The following STXBP5 variants were observed in gnomAD, a reference collection of about 807,000 sequenced individuals.
STXBP5 encodes syntaxin-binding protein 5.
Under a neutral mutation model 152.4 loss-of-function variants are expected in STXBP5, and 50 were observed. The ratio of observed to expected loss-of-function variants is 0.33; its 90% CI spans 0.26 to 0.42. The LOEUF (loss-of-function observed/expected upper bound fraction) is 0.42. Ranked by LOEUF, STXBP5 falls within the 10% of genes least tolerant of loss-of-function variation. The probability of loss-of-function intolerance (pLI) is 1.00; values close to 1 mark genes in which losing one functional copy is unlikely to be tolerated. For missense variants in STXBP5, 1,167 were observed against 1,388.6 expected (o/e 0.84, Z 2.54); for synonymous variants, 492 against 494.7 (o/e 0.99, Z 0.07).
At position 147,387,445 on chromosome 6, in the gene STXBP5, T is replaced by G. The variant is rs1486075841; in HGVS notation, c.*2690T>G. On this transcript the variant is annotated 3_prime_UTR_variant, in exon 28 of 28. Coordinates refer to ENST00000321680, the MANE Select transcript of STXBP5 (RefSeq NM_001127715.4). ...ACTGAAGTATTCATGATTAGTAGTT[T>G]GTAAGTAGGAAGTGGTTTTTCTGTA... The G allele has an allele frequency of 6.6e-6, 1 of 151,744 alleles. No individual in the cohort carries two copies. The highest frequency in any genetic ancestry group is 1.5e-5 in the Non-Finnish European group (1 of 67,730). 9.4% of individuals were successfully genotyped at this position (151,744 alleles called of 1,614,324 possible).
chr6:147,315,321 GCA>G (rs1246618370), intron 14 of STXBP5, among the ~76,000 whole-genome samples, 192 bp from the exon 15 acceptor site: 1 of 151,962 alleles, frequency 6.6e-6, no homozygotes, highest in African/African-American at 2.4e-5. Flanking sequence ...AATACAATGA[GCA>G]CACTCTTGTT....
intron 4 of STXBP5, among the ~76,000 whole-genome samples, chr6:147,259,172 G>T (rs1779525816): frequency 6.6e-6 from 1 of 152,044 alleles, no homozygotes; most frequent in Non-Finnish European, 1.5e-5. Context: ...TGCTAAACTA[G>T]TTAAATGAAT....
At chr6:147,230,743 A>G (rs965393870) in intron 2 of STXBP5, among the ~76,000 whole-genome samples, 1 of 151,764 alleles carries the variant, frequency 6.6e-6, no homozygotes. Context: ...CTGGAATTAC[A>G]CTGCCTTGGT....
rs1197211309 is a variant in STXBP5 at position 147,359,311 on chromosome 6, G to A, written c.2533G>A (p.Val845Met). Residue 845 changes from valine (V) to methionine (M), a missense_variant, in exon 23 of 28, where the codon GTG (valine) becomes ATG (methionine). Physicochemically the swap from Val to Met is conservative, Grantham distance 21. This residue lies in a region of STXBP5 where 833 missense variants were observed against 986.3 expected (regional missense o/e 0.84). Transcript: ENST00000321680. ...GCAAAGACTTCTTCAGCCAGTAATT[G>A]TGTCTCCAAGTGGTATGTATTGCTG... ...GEQRLLQPVI[V>M]SPSGTILRLK... 1 of 1,613,462 alleles carries A rather than the reference G, an allele frequency of 6.2e-7. No homozygotes were observed. Among genetic ancestry groups the A allele is most frequent in the African/African-American group, 1.3e-5 (1 of 75,038 alleles).
At position 147,204,792 on chromosome 6, in the gene STXBP5, A is replaced by G. The variant is rs1393128229; in HGVS notation, c.150+110A>G. 6 of 1,200,244 alleles carry G rather than the reference A, an allele frequency of 5.0e-6. No homozygotes were observed. The allele number at this position is 1,200,244 out of a possible 1,614,324, so 74.3% of individuals were successfully genotyped here. ...GCAAGGGAAGAGAACGCCAATAATA[A>G]TAATAATAACTCTAATAAAAGGCTC... On this transcript the variant is annotated intron_variant, in intron 1 of 27. Transcript: ENST00000321680. This position sits in a 1 kb window ranked among gnomAD's most constrained non-coding sequence, Gnocchi z 4.3.
intron 21 of STXBP5, among the ~76,000 whole-genome samples, chr6:147,343,087 A>G (rs1434957036): frequency 6.6e-6 from 1 of 152,128 alleles, no homozygotes; most frequent in Non-Finnish European, 1.5e-5. Context: ...TACTTAAATG[A>G]GTGCTTTGCC....
chr6:147,373,321 G>A (rs949531636), intron 25 of STXBP5, among the ~76,000 whole-genome samples: 8 of 129,966 alleles, frequency 6.2e-5, no homozygotes, highest in African/African-American at 1.2e-4. Context: ...AGCCAAGATC[G>A]CATCACTGCA....
At chr6:147,338,158 A>C (rs954015771) in intron 19 of STXBP5, among the ~76,000 whole-genome samples, 2 of 152,102 alleles carry the variant, frequency 1.3e-5, no homozygotes, top group Non-Finnish European at 2.9e-5. Flanking sequence ...GCAGATACTT[A>C]GAGAATTCTA....
rs563490382 is a variant in STXBP5 at position 147,304,312 on chromosome 6, G to T, written c.918-5772G>T. The stretch of plus-strand genomic sequence containing the variant: ...AGAGCTCAGGCCATTGCTTCAGAGG[G>T]TGCAAGCCCCAAGCCTTGGCAGCTT... On this transcript the variant is annotated intron_variant, in intron 9 of 27. Transcript: ENST00000321680. 3.9e-5 allele frequency among the ~76,000 whole-genome samples: 6 copies of T among 152,298 alleles called. No individual in the cohort carries two copies. In the East Asian group the frequency reaches 7.7e-4, roughly 20 times the overall value.
At chr6:147,325,669 C>T (rs1783213824) in intron 17 of STXBP5, among the ~76,000 whole-genome samples, 1 of 152,188 alleles carries the variant, frequency 6.6e-6, no homozygotes, top group Non-Finnish European at 1.5e-5. Flanking sequence ...GAAATCAACA[C>T]TGCAGTGTAA....
Position 147,364,131 on chromosome 6 carries a change from C to T in STXBP5, c.3046C>T (p.Leu1016Phe). ...TGTTTCACCTACAGAAATCCAGAGA[C>T]TTACTTATAGTCAAGAGACCTGTGA... The part of the protein sequence containing the change: ...YLVSPTEIQR[L>F]TYSQETCENL... The change falls in exon 25 of 28, where the codon CTT becomes TTT. Residue 1016 changes from leucine (L) to phenylalanine (F), a missense_variant. Leu to Phe is a conservative substitution (Grantham distance 22). This residue lies in a region of STXBP5 where 833 missense variants were observed against 986.3 expected (regional missense o/e 0.84). Transcript: ENST00000321680. The T allele has an allele frequency of 6.2e-7, 1 of 1,613,514 alleles. No homozygotes were observed. Among genetic ancestry groups the T allele is most frequent in the African/African-American group, 1.3e-5 (1 of 75,034 alleles).
intron 4 of STXBP5, among the ~76,000 whole-genome samples, chr6:147,256,893 A>C (rs1057008818): frequency 3.9e-5 from 6 of 152,150 alleles, no homozygotes; most frequent in Admixed American, 1.3e-4. Flanking sequence ...TCTAATGGTT[A>C]ATTTCAACAT....
chr6:147,346,570 C>G (rs569110141), intron 21 of STXBP5, among the ~76,000 whole-genome samples: 34 of 151,956 alleles, frequency 2.2e-4, no homozygotes, highest in African/African-American at 8.0e-4. Context: ...AAACCCCGTC[C>G]CTCATAAAAG....
At chr6:147,236,935 C>T (rs767447415) in intron 3 of STXBP5, among the ~76,000 whole-genome samples, 22 of 152,002 alleles carry the variant, frequency 1.4e-4, no homozygotes, top group Non-Finnish European at 2.2e-4. Context: ...CTTGCCACCA[C>T]ACCGGCCAGT....
intron 4 of STXBP5, among the ~76,000 whole-genome samples, chr6:147,254,289 A>G (rs972912607): frequency 6.6e-6 from 1 of 152,244 alleles, no homozygotes; most frequent in Non-Finnish European, 1.5e-5. Context: ...TACAGAAATT[A>G]ACTCAAGGTG....
intron 26 of STXBP5, among the ~76,000 whole-genome samples, chr6:147,380,417 C>T (rs1338105275): frequency 8.9e-6 from 1 of 112,436 alleles, no homozygotes; most frequent in Non-Finnish European, 1.8e-5. Flanking sequence ...ATGGTCTTTT[C>T]AATAAGTGAT....
chr6:147,273,195 TAA>T (rs61153710), intron 7 of STXBP5, among the ~76,000 whole-genome samples: 1 of 129,312 alleles, frequency 7.7e-6, no homozygotes. Context: ...TCTAAAAAAG[TAA>T]AAAAAAAAAA....
At chr6:147,314,554 C>T in intron 13 of STXBP5, 42 bp from the exon 14 acceptor site, 2 of 1,592,016 alleles carry the variant, frequency 1.3e-6, no homozygotes, top group Non-Finnish European at 1.7e-6. Context: ...GAAGGAAGAA[C>T]TGTAATTTTA....
At chr6:147,299,407 A>G (rs1781693199) in intron 9 of STXBP5, among the ~76,000 whole-genome samples, 3 of 152,044 alleles carry the variant, frequency 2.0e-5, no homozygotes, top group Admixed American at 2.0e-4. Flanking sequence ...GGACATATTC[A>G]GTGCTGAGTT....
Sources: allele counts gnomAD v4.1 joint callset (sites outside exome capture counted in the v4.1 genomes callset), GRCh38; gene constraint gnomAD v4.1.1; regional missense constraint gnomAD v4.1.1; non-coding constraint Gnocchi (gnomAD v3.1); transcripts MANE v1.5; gene names NCBI Gene and HGNC (gene_info 2026-07-23, HGNC 2026-07-21).